RALGPS1: variants seen among roughly 807,000 people sequenced by gnomAD.
RALGPS1 encodes the protein ras-specific guanine nucleotide-releasing factor RalGPS1.
In RALGPS1, 19 loss-of-function variants were observed where a neutral mutation model predicts 78.8. That is an observed-to-expected ratio of 0.24 (90% CI 0.17 to 0.35). RALGPS1 has a LOEUF of 0.35. Among genes scored for constraint, RALGPS1 ranks in the 10% least tolerant of loss-of-function variants. The pLI is 1.00. For missense variants in RALGPS1, 454 were observed against 688.3 expected (o/e 0.66, Z 3.81); for synonymous variants, 228 against 256.3 (o/e 0.89, Z 1.06).
intron 4 of RALGPS1, among the ~76,000 whole-genome samples, chr9:126,983,188 C>T (rs1267268822): frequency 1.3e-5 from 2 of 151,938 alleles, no homozygotes; most frequent in African/African-American, 2.4e-5. Flanking sequence ...CTGCCCGCCT[C>T]GGCCTCCCAA....
chr9:127,073,116 C>T (rs911496712), intron 8 of RALGPS1, among the ~76,000 whole-genome samples: 2 of 152,146 alleles, frequency 1.3e-5, no homozygotes, highest in African/African-American at 4.8e-5. Flanking sequence ...TTAGCTACTT[C>T]AAAATACACA....
intron 8 of RALGPS1, among the ~76,000 whole-genome samples, chr9:127,151,976 C>G (rs1169463863): frequency 2.6e-5 from 4 of 152,190 alleles, no homozygotes; most frequent in African/African-American, 9.6e-5. Flanking sequence ...ATCCATGATG[C>G]AAATCTCCGC....
At chr9:127,125,300 T>C (rs914506305) in intron 8 of RALGPS1, among the ~76,000 whole-genome samples, 3 of 152,186 alleles carry the variant, frequency 2.0e-5, no homozygotes, top group Non-Finnish European at 4.4e-5. Flanking sequence ...GTGCGGGCCA[T>C]GTAGCGCCCT....
rs568921672 is a variant in RALGPS1 at position 127,174,666 on chromosome 9, G to T, written c.843-49G>T. ...TTTTCCCAGCCCCAAACAGGTTCCT[G>T]TGTGGTAAACCAGAGCCCATCTGAT... On this transcript the variant is annotated intron_variant, in intron 10 of 18. Coordinates refer to ENST00000259351, the MANE Select transcript of RALGPS1 (RefSeq NM_014636.3). The T allele has an allele frequency of 5.8e-6, 9 of 1,556,332 alleles. No individual in the cohort carries two copies. In the South Asian group the frequency reaches 1.0e-4, roughly 17 times the overall value.
chr9:126,941,147 T>C (rs1195599739), intron 1 of RALGPS1, among the ~76,000 whole-genome samples: 2 of 148,676 alleles, frequency 1.3e-5, no homozygotes, highest in Admixed American at 1.4e-4. Context: ...CCCTTTAAAA[T>C]TATGACTTCG....
chr9:127,196,459 C>T lies in RALGPS1; in HGVS notation c.1038-15C>T. On this transcript the variant is annotated splice_polypyrimidine_tract_variant and intron_variant, in intron 12 of 18. Transcript: ENST00000259351. The stretch of plus-strand genomic sequence containing the variant: ...ATAAGGAGCTTTGCCTTCTTTCTTC[C>T]TTTCCATTTTCCAGTATGATGTGTC... The T allele has an allele frequency of 6.2e-7, 1 of 1,603,376 alleles. No individual in the cohort carries two copies. The highest frequency in any genetic ancestry group is 2.2e-5 in the East Asian group (1 of 44,676).
At chr9:127,019,618 C>T (rs1252538997) in intron 4 of RALGPS1, among the ~76,000 whole-genome samples, 9 of 152,144 alleles carry the variant, frequency 5.9e-5, no homozygotes, top group Admixed American at 2.0e-4. Context: ...TGAGCAACCG[C>T]GCCTGGCTGC....
chr9:126,975,285 C>T (rs914290495), intron 3 of RALGPS1, among the ~76,000 whole-genome samples: 3 of 152,142 alleles, frequency 2.0e-5, no homozygotes, highest in African/African-American at 7.2e-5. Context: ...GACTTATGGT[C>T]TGAGCAGAGA....
At position 127,174,802 on chromosome 9, in the gene RALGPS1, T is replaced by A; in HGVS notation, c.910+20T>A. 6.2e-7 allele frequency: 1 copy of A among 1,611,344 alleles called. No homozygotes were observed. The highest frequency in any genetic ancestry group is 8.5e-7 in the Non-Finnish European group (1 of 1,177,874). ...TTGCAGGTATCGTAGCTACCTCGAG[T>A]GGGAGCAAACCCACTTAATAGCCTA... is the stretch of plus-strand genomic sequence containing the variant. On this transcript the variant is annotated intron_variant, in intron 11 of 18. Transcript: ENST00000259351.
intron 8 of RALGPS1, chr9:127,079,961 C>CA (rs1392726040): frequency 6.6e-6 from 1 of 152,220 alleles, no homozygotes; most frequent in Non-Finnish European, 1.5e-5. Context: ...TGTACTGGGA[C>CA]AAAATCAACT....
At chr9:126,960,589 C>G (rs1302434446) in intron 1 of RALGPS1, among the ~76,000 whole-genome samples, 1 of 152,018 alleles carries the variant, frequency 6.6e-6, no homozygotes, top group Non-Finnish European at 1.5e-5. Flanking sequence ...ACTGAGGGAC[C>G]TGGGAGGGTT....
At chr9:127,124,058 C>T (rs1318237343) in intron 8 of RALGPS1, among the ~76,000 whole-genome samples, 1 of 152,216 alleles carries the variant, frequency 6.6e-6, no homozygotes, top group Non-Finnish European at 1.5e-5. Flanking sequence ...AACCCTGTGG[C>T]AGATTCCTCT....
chr9:126,924,719 T>C lies in RALGPS1; in HGVS notation c.-66+9744T>C, dbSNP rs112087749. Among the ~76,000 whole-genome samples, 5 of 152,354 alleles carry C rather than the reference T, an allele frequency of 3.3e-5. 1 individual carries two copies. Among genetic ancestry groups the C allele is most frequent in the African/African-American group, 9.6e-5 (4 of 41,590 alleles). On this transcript the variant is annotated intron_variant, in intron 1 of 18. Transcript: ENST00000259351. ...GGTAGTCTTATTCCTTATTCTTCCCTGTCCTCCGTAACTACTTGCCTACTA... is the reference window on the plus strand; with the variant it reads ...GGTAGTCTTATTCCTTATTCTTCCCCGTCCTCCGTAACTACTTGCCTACTA...
chr9:127,194,298 G>A (rs1288840839), intron 11 of RALGPS1, among the ~76,000 whole-genome samples: 1 of 152,208 alleles, frequency 6.6e-6, no homozygotes, highest in Non-Finnish European at 1.5e-5. Context: ...AAAGACCTAA[G>A]ATCTGAACCC....
At position 127,021,746 on chromosome 9, in the gene RALGPS1, G is replaced by A. The variant is rs1019893206; in HGVS notation, c.217-12685G>A. Among the ~76,000 whole-genome samples, 6 of 151,552 alleles carry A rather than the reference G, an allele frequency of 4.0e-5. No homozygotes were observed. In the South Asian group the frequency reaches 1.3e-3, roughly 32 times the overall value. On this transcript the variant is annotated intron_variant, in intron 4 of 18. Transcript: ENST00000259351. ...CCCAGTGTAAGAGTGGAATGAGCAT[G>A]TGGCCCTGTGGGCCTAGTCCCAGTT... is the stretch of plus-strand genomic sequence containing the variant.
chr9:127,039,433 A>G (rs1300808600), intron 5 of RALGPS1, among the ~76,000 whole-genome samples: 2 of 152,206 alleles, frequency 1.3e-5, no homozygotes, highest in African/African-American at 4.8e-5. Flanking sequence ...TGAAGAGAGC[A>G]GGTGTAAGTG....
chr9:127,142,596 C>A (rs1464410590), intron 8 of RALGPS1, among the ~76,000 whole-genome samples: 5 of 152,150 alleles, frequency 3.3e-5, no homozygotes, highest in Non-Finnish European at 7.4e-5. Flanking sequence ...AAGCTCAGTT[C>A]TCTTGGGTTG....
chr9:127,087,431 A>G (rs2051889382), intron 8 of RALGPS1: 1 of 152,626 alleles, frequency 6.6e-6, no homozygotes, highest in Admixed American at 6.5e-5. Flanking sequence ...TCCCTTTTAT[A>G]TACACAAAAC....
chr9:127,186,327 A>T (rs954980144), intron 11 of RALGPS1, among the ~76,000 whole-genome samples: 1 of 152,252 alleles, frequency 6.6e-6, no homozygotes, highest in South Asian at 2.1e-4. Flanking sequence ...GAGATAGTCA[A>T]GCCACATGGT....
Sources: gnomAD v4.1 joint callset for allele counts (sites outside exome capture counted in the v4.1 genomes callset) on GRCh38, gnomAD v4.1.1 for gene constraint, MANE v1.5 for transcripts, NCBI Gene and HGNC (gene_info 2026-07-23, HGNC 2026-07-21) for gene names.